The following PSD2 variants were observed in gnomAD, a reference collection of about 807,000 sequenced individuals.
The protein encoded by PSD2 is pleckstrin and Sec7 domain containing 2, also known as PH and SEC7 domain-containing protein 2.
PSD2 carries 38 observed loss-of-function variants against 69.8 expected under a neutral mutation model. That is an observed-to-expected ratio of 0.54 (90% confidence interval 0.42 to 0.71). The LOEUF is 0.71. PSD2 is among the 30% of genes least tolerant of loss of function. The pLI is 0.00. For synonymous variants in PSD2, 412 were observed against 423.0 expected (o/e 0.97, Z 0.32); for missense variants, 943 against 1,014.5 (o/e 0.93, Z 0.96).
the PSD2 span, among the ~76,000 whole-genome samples, chr5:139,747,213 T>A: frequency 1.3e-5 from 2 of 152,034 alleles, no homozygotes; most frequent in Non-Finnish European, 2.9e-5. The surrounding 1 kb of genome is among the most constrained non-coding windows in gnomAD (Gnocchi z 6.7). Context: ...GTTCCTCTCT[T>A]TGTCTGTCTG....
chr5:139,796,479 C>T (rs772393762), intron 1 of PSD2, among the ~76,000 whole-genome samples: 5 of 152,242 alleles, frequency 3.3e-5, no homozygotes, highest in Non-Finnish European at 5.9e-5. Flanking sequence ...CCAACTTTGA[C>T]AGCCCTGCTT....
At chr5:139,778,061 C>T in the PSD2 span, among the ~76,000 whole-genome samples, 1 of 152,230 alleles carries the variant, frequency 6.6e-6, no homozygotes, top group South Asian at 2.1e-4. Context: ...GCGAGGGCTT[C>T]AGTGCTGGCC....
intron 1 of PSD2, among the ~76,000 whole-genome samples, chr5:139,802,955 A>T (rs1759711819): frequency 6.6e-6 from 1 of 152,218 alleles, no homozygotes; most frequent in Non-Finnish European, 1.5e-5. Context: ...CCATGAGAAC[A>T]TGAGCCCAAG....
chr5:139,802,398 A>C (rs1561591630), intron 1 of PSD2, among the ~76,000 whole-genome samples: 1 of 151,974 alleles, frequency 6.6e-6, no homozygotes, highest in Non-Finnish European at 1.5e-5. Context: ...GCCTCTGCCC[A>C]GGTGTTGTAT....
rs1581733884 is a variant in PSD2, at chr5:139,830,572, T to TTCTTTCTTTCTTTC, written c.1270-3128_1270-3115dup. 5.9e-4 allele frequency among the ~76,000 whole-genome samples: 78 copies of TTCTTTCTTTCTTTC among 132,516 alleles called. 3 individuals carry two copies. The highest frequency in any genetic ancestry group is 8.3e-4 in the Non-Finnish European group (53 of 64,140). The allele number at this position is 132,516 out of a possible 152,430, so 86.9% of individuals were successfully genotyped here. Reference sequence around the variant, plus strand: ...TTCCTTCCTTCCTTCCTTCCTTTCTTTCTTTCTTTCTTTCTTTCTTTTTCT... The same window carrying TTCTTTCTTTCTTTC: ...TTCCTTCCTTCCTTCCTTCCTTTCTTTCTTTCTTTCTTTCTCTTTCTTTCTTTCTTTCTTTTTCT... On this transcript the variant is annotated intron_variant, in intron 7 of 14. Coordinates refer to ENST00000274710, the MANE Select transcript of PSD2 (RefSeq NM_032289.4).
chr5:139,805,094 G>A (rs932355976), intron 1 of PSD2, among the ~76,000 whole-genome samples: 1 of 152,212 alleles, frequency 6.6e-6, no homozygotes, highest in Non-Finnish European at 1.5e-5. Context: ...GTGTACATGT[G>A]TGCATGTGCC....
chr5:139,796,389 G>T (rs1302821489), intron 1 of PSD2, among the ~76,000 whole-genome samples: 1 of 152,226 alleles, frequency 6.6e-6, no homozygotes, highest in African/African-American at 2.4e-5. Flanking sequence ...GTCGGGGATC[G>T]GGGCATTGGG....
the PSD2 span, among the ~76,000 whole-genome samples, chr5:139,765,331 G>A: frequency 6.6e-6 from 1 of 151,928 alleles, no homozygotes; most frequent in African/African-American, 2.4e-5. Flanking sequence ...CCTCTTTCCA[G>A]TTTAGGCTTG....
chr5:139,802,884 A>G (rs923267819), intron 1 of PSD2, among the ~76,000 whole-genome samples: 14 of 152,204 alleles, frequency 9.2e-5, no homozygotes, highest in Admixed American at 8.5e-4. Context: ...GAATCCCAGC[A>G]GAGCACATGC....
intron 5 of PSD2, 79 bp from the exon 6 acceptor site, chr5:139,821,814 G>C: frequency 1.3e-6 from 1 of 765,052 alleles, no homozygotes; most frequent in Non-Finnish European, 2.2e-6. Flanking sequence ...TAGAGTGGGT[G>C]TGTGCTGTGT....
chr5:139,771,433 C>T, the PSD2 span, among the ~76,000 whole-genome samples: 1 of 152,100 alleles, frequency 6.6e-6, no homozygotes, highest in South Asian at 2.1e-4. Flanking sequence ...GGCTGGAGTG[C>T]AGTGGCACAA....
At chr5:139,770,416 C>T in the PSD2 span, among the ~76,000 whole-genome samples, 14 of 152,124 alleles carry the variant, frequency 9.2e-5, no homozygotes, top group South Asian at 2.7e-3. Context: ...ATTAGCTGGT[C>T]GTGGTGGCAG....
At chr5:139,744,837 T>G in the PSD2 span, 2 of 152,374 alleles carry the variant, frequency 1.3e-5, no homozygotes, top group Admixed American at 1.3e-4. Flanking sequence ...CTGAACCAGC[T>G]TCTCAGGCCC....
At chr5:139,826,799 T>C (rs1271710261) in intron 7 of PSD2, among the ~76,000 whole-genome samples, 1 of 152,232 alleles carries the variant, frequency 6.6e-6, no homozygotes, top group Non-Finnish European at 1.5e-5. Context: ...CATTTTCTTC[T>C]GACAGTGATG....
rs540464829 is a variant in PSD2, at chr5:139,838,194, G to A, written c.1823+412G>A. Among the ~76,000 whole-genome samples the A allele has an allele frequency of 3.3e-5, 5 of 152,204 alleles. No individual in the cohort carries two copies. The South Asian group carries it at 8.3e-4, about 25-fold the overall frequency. ...CGTCCTCCTGTGACTTGAGATTGGG[G>A]TGCACATGTCACATGAGCTTGCAAG... On this transcript the variant is annotated intron_variant, in intron 12 of 14. Transcript: ENST00000274710.
upstream of PSD2, among the ~76,000 whole-genome samples, chr5:139,792,068 G>A (rs1208318811): frequency 6.6e-6 from 1 of 152,054 alleles, no homozygotes; most frequent in Non-Finnish European, 1.5e-5. Flanking sequence ...GAGGGGGAAT[G>A]AGTGTGGGAG....
At chr5:139,812,900 G>A (rs1041019961) in intron 2 of PSD2, among the ~76,000 whole-genome samples, 6 of 152,176 alleles carry the variant, frequency 3.9e-5, no homozygotes, top group South Asian at 4.1e-4. Flanking sequence ...CTAGTTCTCC[G>A]TGGGCAGGAG....
At chr5:139,753,842 T>G in the PSD2 span, among the ~76,000 whole-genome samples, 1 of 152,042 alleles carries the variant, frequency 6.6e-6, no homozygotes, top group East Asian at 1.9e-4. Context: ...TTGTTTGTTT[T>G]GTTTTGTTTT....
intron 1 of PSD2, among the ~76,000 whole-genome samples, chr5:139,806,359 C>A (rs889725520): frequency 6.6e-6 from 1 of 152,192 alleles, no homozygotes; most frequent in African/African-American, 2.4e-5. Flanking sequence ...GAGAGTTTGG[C>A]AGGGGTCCTG....
Sources: gnomAD v4.1 joint callset for allele counts (sites outside exome capture counted in the v4.1 genomes callset) on GRCh38, gnomAD v4.1.1 for gene constraint, Gnocchi (gnomAD v3.1) non-coding constraint, MANE v1.5 for transcripts, NCBI Gene and HGNC (gene_info 2026-07-23, HGNC 2026-07-21) for gene names.